The following CNTNAP4 variants were observed in gnomAD, a reference collection of about 807,000 sequenced individuals.
The protein encoded by CNTNAP4 is contactin associated protein family member 4.
A neutral mutation model predicts 148.4 loss-of-function variants in CNTNAP4; 98 were observed. The observed-to-expected ratio is 0.66, with a 90% CI of 0.56 to 0.78. The LOEUF (loss-of-function observed/expected upper bound fraction) is 0.78. Among genes scored for constraint, CNTNAP4 ranks in the 30% least tolerant of loss-of-function variants. The pLI is 0.00. For missense variants in CNTNAP4, 1,935 were observed against 1,565.6 expected (o/e 1.24, Z -3.98); for synonymous variants, 730 against 565.1 (o/e 1.29, Z -4.14).
At chr16:76,363,729 C>T (rs1267375410) in intron 3 of CNTNAP4, among the ~76,000 whole-genome samples, 1 of 152,024 alleles carries the variant, frequency 6.6e-6, no homozygotes, top group Admixed American at 6.6e-5. Context: ...ATTTGGAAAC[C>T]ATGTATCTGA....
intron 1 of CNTNAP4, among the ~76,000 whole-genome samples, chr16:76,298,230 A>G (rs1394541873): frequency 6.6e-6 from 1 of 152,210 alleles, no homozygotes; most frequent in African/African-American, 2.4e-5. Flanking sequence ...GTAGGTCTTC[A>G]TCTGGAGGCC....
chr16:76,375,478 G>A (rs1203646048), intron 3 of CNTNAP4, among the ~76,000 whole-genome samples: 1 of 152,142 alleles, frequency 6.6e-6, no homozygotes, highest in Non-Finnish European at 1.5e-5. Context: ...TTTGAATATT[G>A]CATAGGGCTT....
chr16:76,462,013 A>C lies in CNTNAP4; in HGVS notation c.1391A>C (p.His464Pro). The C allele has an allele frequency of 6.2e-7, 1 of 1,613,744 alleles. No individual in the cohort carries two copies. The highest frequency in any genetic ancestry group is 8.5e-7 in the Non-Finnish European group (1 of 1,179,790). ...HSVSLSAKKN[H>P]LSVAVDGQMA... ...GTCTCTTTATCTGCTAAAAAGAATC[A>C]CTTGAGTGTGGCGGTGGACGGCCAG... The change falls in exon 9 of 24, where the codon CAC (histidine) becomes CCC (proline). Residue 464 changes from histidine to proline, a missense_variant. Coordinates refer to ENST00000611870, the MANE Select transcript of CNTNAP4 (RefSeq NM_033401.5).
chr16:76,540,691 A>G lies in CNTNAP4; in HGVS notation c.3355-12A>G. The G allele has an allele frequency of 6.5e-7, 1 of 1,542,418 alleles. No individual in the cohort carries two copies. Among genetic ancestry groups the G allele is most frequent in the Non-Finnish European group, 8.8e-7 (1 of 1,137,086 alleles). On this transcript the variant is annotated splice_polypyrimidine_tract_variant and intron_variant, in intron 20 of 23. Transcript: ENST00000611870. Reference sequence around the variant, plus strand: ...CATTTGGATGTTTTTATCTTGTGTAATAATTTTGTAGATTGACGATAATAG... The same window carrying G: ...CATTTGGATGTTTTTATCTTGTGTAGTAATTTTGTAGATTGACGATAATAG...
intron 4 of CNTNAP4, 147 bp from the exon 5 acceptor site, chr16:76,447,865 A>C: frequency 1.6e-6 from 1 of 615,124 alleles, no homozygotes. Flanking sequence ...GTTTATCAGG[A>C]TATAACTCCA....
At chr16:76,296,178 A>G (rs1959275197) in intron 1 of CNTNAP4, among the ~76,000 whole-genome samples, 1 of 152,218 alleles carries the variant, frequency 6.6e-6, no homozygotes, top group Admixed American at 6.6e-5. Context: ...GTTTTCTAAC[A>G]TTATGTATTG....
At chr16:76,339,609 C>G (rs998613988) in intron 2 of CNTNAP4, among the ~76,000 whole-genome samples, 3 of 152,190 alleles carry the variant, frequency 2.0e-5, no homozygotes, top group Non-Finnish European at 4.4e-5. Context: ...CGCCTTTGCT[C>G]ATTACAAAGG....
intron 21 of CNTNAP4, among the ~76,000 whole-genome samples, chr16:76,541,699 G>T (rs2084462848): frequency 6.6e-6 from 1 of 152,134 alleles, no homozygotes; most frequent in Non-Finnish European, 1.5e-5. Context: ...ACCCATAGGT[G>T]AATGATCAAA....
chr16:76,298,351 G>T (rs1959532987), intron 1 of CNTNAP4, among the ~76,000 whole-genome samples: 1 of 152,138 alleles, frequency 6.6e-6, no homozygotes, highest in African/African-American at 2.4e-5. Context: ...TCCTGGAGCA[G>T]CCATATGAAA....
At position 76,472,486 on chromosome 16, in the gene CNTNAP4, T is replaced by G. The variant is rs778207747; in HGVS notation, c.1656-3453T>G. Among the ~76,000 whole-genome samples the G allele has an allele frequency of 1.3e-4, 20 of 152,118 alleles. No homozygotes were observed. In the South Asian group the frequency reaches 3.5e-3, roughly 27 times the overall value. ...GTTGAACTCTTTTTAAAACATGGTT[T>G]GAGGTTTGCTATAGAATAGCCTTTG... On this transcript the variant is annotated intron_variant, in intron 10 of 23. Coordinates refer to ENST00000611870, the MANE Select transcript of CNTNAP4 (RefSeq NM_033401.5).
chr16:76,510,052 A>G (rs1355661722), intron 15 of CNTNAP4, among the ~76,000 whole-genome samples: 1 of 43,268 alleles, frequency 2.3e-5, no homozygotes, highest in African/African-American at 3.5e-5. Flanking sequence ...TTAATGTACT[A>G]TACAGATTTG....
At chr16:76,383,274 C>T (rs952334996) in intron 3 of CNTNAP4, among the ~76,000 whole-genome samples, 1 of 151,472 alleles carries the variant, frequency 6.6e-6, no homozygotes, top group Non-Finnish European at 1.5e-5. Flanking sequence ...TAGAGAACAT[C>T]AGTGATGGCT....
intron 4 of CNTNAP4, among the ~76,000 whole-genome samples, chr16:76,446,643 C>T (rs968831115): frequency 6.6e-6 from 1 of 152,108 alleles, no homozygotes; most frequent in Non-Finnish European, 1.5e-5. Flanking sequence ...ACAGACCTTA[C>T]AATATCATTA....
At chr16:76,312,861 G>A (rs1961287152) in intron 1 of CNTNAP4, among the ~76,000 whole-genome samples, 1 of 152,146 alleles carries the variant, frequency 6.6e-6, no homozygotes, top group East Asian at 1.9e-4. Context: ...ACTATGTGTG[G>A]CAGGATTATA....
chr16:76,325,278 A>T (rs1224401318), intron 2 of CNTNAP4, among the ~76,000 whole-genome samples: 1 of 152,218 alleles, frequency 6.6e-6, no homozygotes, highest in South Asian at 2.1e-4. Flanking sequence ...ATGTATATTT[A>T]TATACTGTGT....
chr16:76,300,751 A>C (rs1959873184), intron 1 of CNTNAP4, among the ~76,000 whole-genome samples: 1 of 152,112 alleles, frequency 6.6e-6, no homozygotes. Context: ...TTTTCTCTAG[A>C]GGGCTCCAGT....
intron 1 of CNTNAP4, among the ~76,000 whole-genome samples, chr16:76,278,046 C>T (rs1037782282): frequency 6.6e-6 from 1 of 152,124 alleles, no homozygotes; most frequent in Non-Finnish European, 1.5e-5. Context: ...AGCATCTTAT[C>T]GGGGGAATAG....
intron 1 of CNTNAP4, among the ~76,000 whole-genome samples, chr16:76,314,389 G>C (rs1961476230): frequency 6.6e-6 from 1 of 152,040 alleles, no homozygotes; most frequent in South Asian, 2.1e-4. Context: ...GACAGAGTAG[G>C]GCATTCACGA....
At chr16:76,294,990 G>A (rs1597105190) in intron 1 of CNTNAP4, among the ~76,000 whole-genome samples, 3 of 152,112 alleles carry the variant, frequency 2.0e-5, no homozygotes, top group South Asian at 4.1e-4. Flanking sequence ...TAGGGGGGCC[G>A]GTGTTCTTAC....
Sources: gnomAD v4.1 joint callset for allele counts (sites outside exome capture counted in the v4.1 genomes callset) on GRCh38, gnomAD v4.1.1 for gene constraint, MANE v1.5 for transcripts, NCBI Gene and HGNC (gene_info 2026-07-23, HGNC 2026-07-21) for gene names.